ANKRD30BL: variants seen among roughly 807,000 people sequenced by gnomAD.
ANKRD30BL encodes the protein ankyrin repeat domain 30B like, also known as putative ankyrin repeat domain-containing protein 30B-like.
A neutral mutation model predicts 18.4 loss-of-function variants in ANKRD30BL; 20 were observed. The ratio of observed to expected loss-of-function variants is 1.09; its 90% CI spans 0.77 to 1.58. The LOEUF is 1.58. ANKRD30BL is among the 40% of genes most tolerant of loss of function. The pLI is 0.00. For synonymous variants in ANKRD30BL, 72 were observed against 100.9 expected, an observed-to-expected ratio of 0.71 and a Z score of 1.72; for missense variants, 224 against 268.6, an observed-to-expected ratio of 0.83 and a Z score of 1.16.
At chr2:132,246,870 C>A (rs1221850068) in intron 1 of ANKRD30BL, among the ~76,000 whole-genome samples, 1 of 151,990 alleles carries the variant, frequency 6.6e-6, no homozygotes, top group Non-Finnish European at 1.5e-5. Context: ...ATTCATCTCA[C>A]AGAGTTGAAA....
chr2:132,153,904 A>C (rs1016234176), intron 4 of ANKRD30BL, among the ~76,000 whole-genome samples: 9 of 152,214 alleles, frequency 5.9e-5, no homozygotes, highest in African/African-American at 2.2e-4. Context: ...ATTGGCTAAC[A>C]TAAAGTCCAC....
At chr2:132,213,579 C>G in intron 1 of ANKRD30BL, among the ~76,000 whole-genome samples, 1 of 152,206 alleles carries the variant, frequency 6.6e-6, no homozygotes, top group African/African-American at 2.4e-5. Context: ...CTTTGAAAAA[C>G]TCTTTTTTAG....
At chr2:132,165,558 C>CAA (rs71001174), upstream of ANKRD30BL, among the ~76,000 whole-genome samples, 3,327 of 135,136 alleles carry the variant, frequency 0.025, 105 homozygotes, top group African/African-American at 0.072. Flanking sequence ...TAGTAAAATA[C>CAA]AAAAAAAAAA....
rs561264009 is a variant in ANKRD30BL at position 132,208,371 on chromosome 2, C to T, written n.441+49158G>A. 8.5e-5 allele frequency among the ~76,000 whole-genome samples: 13 copies of T among 152,200 alleles called. No individual in the cohort carries two copies. In the East Asian group the frequency reaches 2.5e-3, roughly 29 times the overall value. ...TCACTTTCTACTGCATTCTTAGACT[C>T]CCTGAAGTTAGGAAACCCACATTTT... On this transcript the variant is annotated intron_variant and non_coding_transcript_variant, in intron 1 of 4. Coordinates refer to the ANKRD30BL transcript ENST00000470729.
chr2:132,175,333 G>T (rs1313147978), intron 1 of ANKRD30BL, among the ~76,000 whole-genome samples: 1 of 152,100 alleles, frequency 6.6e-6, no homozygotes, highest in Non-Finnish European at 1.5e-5. Flanking sequence ...TACTATGCCT[G>T]GATGTGCACG....
chr2:132,172,507 C>T (rs1346551775), intron 1 of ANKRD30BL, among the ~76,000 whole-genome samples: 1 of 152,024 alleles, frequency 6.6e-6, no homozygotes, highest in Non-Finnish European at 1.5e-5. Context: ...TGCTTGTTGG[C>T]CATTCATACA....
chr2:132,155,380 A>G (rs1381541848), intron 3 of ANKRD30BL: 1 of 152,144 alleles, frequency 6.6e-6, no homozygotes, highest in Admixed American at 6.5e-5. Flanking sequence ...CCCCCCAAAA[A>G]TGGAGGTTTC....
chr2:132,229,713 G>C (rs1225767115), intron 1 of ANKRD30BL, among the ~76,000 whole-genome samples: 1 of 151,802 alleles, frequency 6.6e-6, no homozygotes, highest in Non-Finnish European at 1.5e-5. Context: ...TGATAGAGCG[G>C]GTTTGAAAAA....
At chr2:132,250,262 CTG>C (rs1266492559) in intron 1 of ANKRD30BL, among the ~76,000 whole-genome samples, 2 of 152,242 alleles carry the variant, frequency 1.3e-5, no homozygotes, top group Non-Finnish European at 2.9e-5. Context: ...ACGTTTAACT[CTG>C]TGAGATGAAT....
chr2:132,179,645 C>T (rs1024732068), intron 1 of ANKRD30BL, among the ~76,000 whole-genome samples: 2 of 152,048 alleles, frequency 1.3e-5, no homozygotes, highest in Non-Finnish European at 2.9e-5. Context: ...GAAAACTGAA[C>T]AGTAGAGCAA....
chr2:132,205,624 A>T (rs901578151), intron 1 of ANKRD30BL, among the ~76,000 whole-genome samples: 4 of 151,580 alleles, frequency 2.6e-5, no homozygotes, highest in African/African-American at 4.8e-5. Context: ...GAAAAAAGAA[A>T]AAAAGAAAAA....
intron 1 of ANKRD30BL, among the ~76,000 whole-genome samples, chr2:132,173,312 T>C (rs1688313049): frequency 6.6e-6 from 1 of 150,586 alleles, no homozygotes; most frequent in Non-Finnish European, 1.5e-5. Context: ...TTTTTTTTTT[T>C]TTTTTGAGAT....
chr2:132,203,580 A>G (rs1275926885), intron 1 of ANKRD30BL, among the ~76,000 whole-genome samples: 3 of 152,162 alleles, frequency 2.0e-5, no homozygotes, highest in African/African-American at 7.2e-5. Flanking sequence ...TTGCTTTCAT[A>G]TTAATTTTTC....
At chr2:132,205,180 C>T (rs1365334605) in intron 1 of ANKRD30BL, among the ~76,000 whole-genome samples, 1 of 152,068 alleles carries the variant, frequency 6.6e-6, no homozygotes, top group African/African-American at 2.4e-5. Flanking sequence ...TCATAGAATT[C>T]CATTCCAAGA....
chr2:132,175,940 G>A (rs1688361273), intron 1 of ANKRD30BL, among the ~76,000 whole-genome samples: 1 of 152,144 alleles, frequency 6.6e-6, no homozygotes, highest in Admixed American at 6.6e-5. Context: ...CAGCATCTCA[G>A]GGCAAAGCAA....
At chr2:132,243,154 A>T (rs1680385863) in intron 1 of ANKRD30BL, among the ~76,000 whole-genome samples, 1 of 150,976 alleles carries the variant, frequency 6.6e-6, no homozygotes. Flanking sequence ...GATTGGAAAA[A>T]CTCTTTTGTT....
intron 1 of ANKRD30BL, among the ~76,000 whole-genome samples, chr2:132,221,647 G>T (rs1334861952): frequency 8.2e-6 from 1 of 121,604 alleles, no homozygotes; most frequent in East Asian, 2.5e-4. Context: ...GGAGGTGGGG[G>T]GTTCAGCCCC....
intron 1 of ANKRD30BL, among the ~76,000 whole-genome samples, chr2:132,223,846 C>T (rs1573862027): frequency 1.3e-5 from 2 of 151,944 alleles, no homozygotes; most frequent in East Asian, 2.0e-4. Context: ...CTATGTTTGC[C>T]TTCAACTCAC....
At chr2:132,239,024 T>A (rs1422736365) in intron 1 of ANKRD30BL, among the ~76,000 whole-genome samples, 1 of 151,840 alleles carries the variant, frequency 6.6e-6, no homozygotes, top group Non-Finnish European at 1.5e-5. Flanking sequence ...CAACTCACAC[T>A]GTTGAACATG....
Sources: gnomAD v4.1 joint callset for allele counts (sites outside exome capture counted in the v4.1 genomes callset) on GRCh38, gnomAD v4.1.1 for gene constraint, MANE v1.5 for transcripts, NCBI Gene and HGNC (gene_info 2026-07-23, HGNC 2026-07-21) for gene names.